The following CPPED1 variants were observed in gnomAD, a reference collection of about 807,000 sequenced individuals.
CPPED1 encodes the protein calcineurin like phosphoesterase domain containing 1, also known as serine/threonine-protein phosphatase CPPED1.
CPPED1 carries 28 observed loss-of-function variants against 28.0 expected under a neutral mutation model. That is an observed-to-expected ratio of 1.00 (90% CI 0.74 to 1.37). The LOEUF is 1.37. Among genes scored for constraint, CPPED1 ranks in the 40% most tolerant of loss-of-function variants. The pLI is 0.00. For missense variants in CPPED1, 504 were observed against 416.5 expected (o/e 1.21, Z -1.83); for synonymous variants, 198 against 180.2 (o/e 1.10, Z -0.79).
chr16:12,696,926 G>A (rs1567278974), intron 3 of CPPED1, among the ~76,000 whole-genome samples: 1 of 152,242 alleles, frequency 6.6e-6, no homozygotes, highest in East Asian at 1.9e-4. Flanking sequence ...AGGACCCCCT[G>A]CCCACCGGCC....
chr16:12,744,739 G>C (rs1227513736), intron 2 of CPPED1, among the ~76,000 whole-genome samples: 3 of 152,212 alleles, frequency 2.0e-5, no homozygotes, highest in Admixed American at 2.0e-4. Flanking sequence ...CCAGTACTTT[G>C]GGAGGCCGAG....
chr16:12,766,267 AGAGAGAGAGG>A lies in CPPED1; in HGVS notation c.289+14908_289+14917del, dbSNP rs1341956592. On this transcript the variant is annotated intron_variant, in intron 2 of 3. Coordinates refer to ENST00000381774, the MANE Select transcript of CPPED1 (RefSeq NM_018340.3). Reference sequence around the variant, plus strand: ...AATATATATATATATAGAGAGAGAGAGAGAGAGAGGGAGAGAGAGAGAGAGAAAGAGAGAG... The same window carrying A: ...AATATATATATATATAGAGAGAGAGAGAGAGAGAGAGAGAGAAAGAGAGAG... 3.9e-4 allele frequency among the ~76,000 whole-genome samples: 56 copies of A among 144,922 alleles called. 3 individuals are homozygous for A. Among genetic ancestry groups the A allele is most frequent in the Admixed American group, 1.3e-3 (19 of 14,904 alleles).
Position 12,733,521 on chromosome 16 carries a change from C to T in CPPED1, c.290-28472G>A, listed in dbSNP as rs545148683. 2.6e-3 allele frequency among the ~76,000 whole-genome samples: 396 copies of T among 152,236 alleles called. 1 individual carries two copies. Among genetic ancestry groups the T allele is most frequent in the Non-Finnish European group, 3.3e-3 (223 of 68,018 alleles). On this transcript the variant is annotated intron_variant, in intron 2 of 3. Coordinates refer to ENST00000381774, the MANE Select transcript of CPPED1 (RefSeq NM_018340.3). ...AACTTGTGACCTCAGGTGATCCGCC[C>T]GCCTTGGCCTCCCAAAGTGCTGGGA...
chr16:12,670,256 T>C lies in CPPED1; in HGVS notation c.716-5141A>G, dbSNP rs915757841. Among the ~76,000 whole-genome samples the C allele has an allele frequency of 6.6e-6, 1 of 152,112 alleles. No individual in the cohort carries two copies. Among genetic ancestry groups the C allele is most frequent in the African/African-American group, 2.4e-5 (1 of 41,414 alleles). ...GCTACAGTGAGCTATGACCGCACCA[T>C]TGCATTCCAGTTTGGGTGACAGAGA... On this transcript the variant is annotated intron_variant, in intron 3 of 3. Coordinates refer to ENST00000381774, the MANE Select transcript of CPPED1 (RefSeq NM_018340.3). The surrounding 1 kb of genome is among the most constrained non-coding windows in gnomAD (Gnocchi z 4.2).
chr16:12,747,416 G>A (rs1490057025), intron 2 of CPPED1, among the ~76,000 whole-genome samples: 4 of 148,056 alleles, frequency 2.7e-5, no homozygotes, highest in Non-Finnish European at 5.9e-5. Context: ...TGGACGAAAA[G>A]GGGGACTCTG....
rs2079791796 is a variant in CPPED1, at chr16:12,661,139, T to A, written c.*3747A>T. On this transcript the variant is annotated 3_prime_UTR_variant, in exon 4 of 4. Coordinates refer to ENST00000381774, the MANE Select transcript of CPPED1 (RefSeq NM_018340.3). ...AAAAAAGGGTTCAAGTAAATGCAAA[T>A]GATGTTTTGGCAACCTTTTCTCAAA... 6.6e-6 allele frequency: 1 copy of A among 152,148 alleles called. No homozygotes were observed. The highest frequency in any genetic ancestry group is 2.4e-5 in the African/African-American group (1 of 41,438). 9.4% of individuals were successfully genotyped at this position (152,148 alleles called of 1,614,324 possible).
chr16:12,685,733 T>C (rs1263998411), intron 3 of CPPED1, among the ~76,000 whole-genome samples: 1 of 152,166 alleles, frequency 6.6e-6, no homozygotes, highest in African/African-American at 2.4e-5. Flanking sequence ...ACCAGCTTCA[T>C]TCCCCAAACC....
intron 3 of CPPED1, among the ~76,000 whole-genome samples, chr16:12,688,725 G>A (rs1170803670): frequency 1.3e-5 from 2 of 152,184 alleles, no homozygotes; most frequent in Non-Finnish European, 1.5e-5. Flanking sequence ...GGGCAGGGCC[G>A]ATGCTTACTC....
chr16:12,694,607 A>T (rs1183290342), intron 3 of CPPED1, among the ~76,000 whole-genome samples: 3 of 151,964 alleles, frequency 2.0e-5, no homozygotes, highest in African/African-American at 7.3e-5. Context: ...GGAACCTAAA[A>T]AATAGGCCAA....
At position 12,677,581 on chromosome 16, in the gene CPPED1, G is replaced by A. The variant is rs148784820; in HGVS notation, c.716-12466C>T. Reference sequence around the variant, plus strand: ...CACTTGAACCTGGGAGGCAGAGGCTGCAGTGAGCTGAGCTCGTGCCACTGC... The same window carrying A: ...CACTTGAACCTGGGAGGCAGAGGCTACAGTGAGCTGAGCTCGTGCCACTGC... On this transcript the variant is annotated intron_variant, in intron 3 of 3. Coordinates refer to ENST00000381774, the MANE Select transcript of CPPED1 (RefSeq NM_018340.3). Among the ~76,000 whole-genome samples the A allele has an allele frequency of 2.4e-3, 360 of 152,350 alleles. 4 individuals carry two copies. The highest frequency in any genetic ancestry group is 8.3e-3 in the African/African-American group (346 of 41,580).
intron 2 of CPPED1, among the ~76,000 whole-genome samples, chr16:12,724,977 G>A (rs1344053522): frequency 7.2e-5 from 11 of 151,996 alleles, no homozygotes; most frequent in Admixed American, 4.6e-4. Flanking sequence ...TAGTAGAGAC[G>A]GGGTTGCACT....
intron 2 of CPPED1, among the ~76,000 whole-genome samples, chr16:12,733,274 ATTTTT>A: frequency 7.2e-6 from 1 of 139,280 alleles, no homozygotes; most frequent in African/African-American, 2.6e-5. Flanking sequence ...CGAATTAGGA[ATTTTT>A]TTTTTTTTTT....
intron 2 of CPPED1, among the ~76,000 whole-genome samples, chr16:12,773,082 T>C (rs985734535): frequency 1.3e-5 from 2 of 152,166 alleles, no homozygotes; most frequent in African/African-American, 2.4e-5. Context: ...TCTGAACTTT[T>C]GAGATGGTAG....
chr16:12,733,099 G>C (rs1281261199), intron 2 of CPPED1, among the ~76,000 whole-genome samples: 1 of 152,274 alleles, frequency 6.6e-6, no homozygotes, highest in Admixed American at 6.5e-5. Context: ...AGAAGAGTCT[G>C]AGGTTGAATT....
chr16:12,726,875 A>T (rs1289483328), intron 2 of CPPED1, among the ~76,000 whole-genome samples: 1 of 152,168 alleles, frequency 6.6e-6, no homozygotes, highest in Non-Finnish European at 1.5e-5. Context: ...TTCAAAGAAT[A>T]GAGGAAAAAA....
At chr16:12,748,432 T>G (rs12447114) in intron 2 of CPPED1, among the ~76,000 whole-genome samples, 37,659 of 152,098 alleles carry the variant, frequency 0.25, 4,810 homozygotes, top group East Asian at 0.34. Flanking sequence ...CTTATATATT[T>G]CTGAGGAATA....
At chr16:12,774,826 T>C (rs2080488589) in intron 2 of CPPED1, among the ~76,000 whole-genome samples, 1 of 151,790 alleles carries the variant, frequency 6.6e-6, no homozygotes, top group African/African-American at 2.4e-5. Context: ...TGTTTTTTGT[T>C]TGTTTGTTTG....
At chr16:12,665,954 T>A (rs1030866699) in intron 3 of CPPED1, among the ~76,000 whole-genome samples, 2 of 150,858 alleles carry the variant, frequency 1.3e-5, no homozygotes, top group African/African-American at 4.9e-5. Flanking sequence ...AACAAATAAA[T>A]AAATATAAAA....
chr16:12,710,149 T>C (rs2080072715), intron 2 of CPPED1, among the ~76,000 whole-genome samples: 1 of 152,202 alleles, frequency 6.6e-6, no homozygotes, highest in Non-Finnish European at 1.5e-5. Context: ...CTCTTAGCAC[T>C]AATAAGAGAA....
Sources: allele counts gnomAD v4.1 joint callset (sites outside exome capture counted in the v4.1 genomes callset), GRCh38; gene constraint gnomAD v4.1.1; non-coding constraint Gnocchi (gnomAD v3.1); transcripts MANE v1.5; gene names NCBI Gene and HGNC (gene_info 2026-07-23, HGNC 2026-07-21).